SOX6: variants seen among roughly 807,000 people sequenced by gnomAD.
SOX6 encodes the protein transcription factor SOX-6.
A neutral mutation model predicts 97.8 loss-of-function variants in SOX6; 11 were observed. The ratio of observed to expected loss-of-function variants is 0.11; its 90% CI spans 0.07 to 0.19. The LOEUF is 0.19. SOX6 is among the 10% of genes least tolerant of loss of function. The probability of loss-of-function intolerance (pLI) is 1.00; values close to 1 mark genes in which losing one functional copy is unlikely to be tolerated. For synonymous variants in SOX6, 360 were observed against 371.4 expected (o/e 0.97, Z 0.35); for missense variants, 810 against 1,039.5 (o/e 0.78, Z 3.04).
At chr11:16,654,110 G>A (rs1275014895) in intron 3 of SOX6, among the ~76,000 whole-genome samples, 3 of 152,020 alleles carry the variant, frequency 2.0e-5, no homozygotes, top group Non-Finnish European at 4.4e-5. Context: ...AGAGTCTATA[G>A]ATAATAAGTG....
chr11:16,355,210 G>T (rs536963463), intron 1 of SOX6, among the ~76,000 whole-genome samples: 1 of 151,952 alleles, frequency 6.6e-6, no homozygotes, highest in Non-Finnish European at 1.5e-5. Flanking sequence ...AGATAAACTT[G>T]CCTAAAGACC....
chr11:16,736,051 C>A (rs1848388587), intron 2 of SOX6, among the ~76,000 whole-genome samples: 1 of 152,040 alleles, frequency 6.6e-6, no homozygotes, highest in African/African-American at 2.4e-5. Context: ...TCTTTACTAC[C>A]CAAGAAAGAA....
chr11:16,335,947 T>C (rs1376417526), intron 2 of SOX6, among the ~76,000 whole-genome samples: 1 of 152,200 alleles, frequency 6.6e-6, no homozygotes, highest in Non-Finnish European at 1.5e-5. Flanking sequence ...ATTATTGACA[T>C]CTTTTATTTA....
chr11:16,044,102 T>C (rs1383982835), intron 12 of SOX6, among the ~76,000 whole-genome samples: 6 of 152,138 alleles, frequency 3.9e-5, no homozygotes, highest in Non-Finnish European at 8.8e-5. Context: ...CACTATGCTG[T>C]ACAGGCTTTT....
chr11:16,056,381 C>T (rs1317025373), intron 9 of SOX6, among the ~76,000 whole-genome samples: 1 of 152,134 alleles, frequency 6.6e-6, no homozygotes, highest in Non-Finnish European at 1.5e-5. Flanking sequence ...TCTGGGTATT[C>T]TGATCCTTCT....
At chr11:16,654,797 C>T (rs1483007594) in intron 3 of SOX6, among the ~76,000 whole-genome samples, 1 of 152,112 alleles carries the variant, frequency 6.6e-6, no homozygotes, top group Non-Finnish European at 1.5e-5. Context: ...ATTATGTTCA[C>T]CTCATTACTT....
chr11:16,677,897 G>T (rs1164324711), intron 3 of SOX6, among the ~76,000 whole-genome samples: 1 of 152,088 alleles, frequency 6.6e-6, no homozygotes, highest in Non-Finnish European at 1.5e-5. Context: ...AGATACTAAG[G>T]TTATTCATTT....
chr11:16,157,522 A>C (rs540193452), intron 6 of SOX6, among the ~76,000 whole-genome samples: 14 of 152,002 alleles, frequency 9.2e-5, no homozygotes, highest in Non-Finnish European at 1.9e-4. Flanking sequence ...AGATTTGGTT[A>C]ATCATTTGGT....
At chr11:15,998,086 AT>A (rs1854285094) in intron 13 of SOX6, among the ~76,000 whole-genome samples, 1 of 151,680 alleles carries the variant, frequency 6.6e-6, no homozygotes, top group African/African-American at 2.4e-5. Context: ...TCTCAAAAAA[AT>A]AAAATAAAAT....
chr11:16,413,559 C>T (rs1858866376), intron 1 of SOX6, among the ~76,000 whole-genome samples: 1 of 122,642 alleles, frequency 8.2e-6, no homozygotes, highest in Admixed American at 1.0e-4. Flanking sequence ...TCACTCTTGT[C>T]GCCCAGGCTG....
intron 9 of SOX6, among the ~76,000 whole-genome samples, chr11:16,076,706 G>A (rs895028228): frequency 1.3e-5 from 2 of 150,102 alleles, no homozygotes; most frequent in Non-Finnish European, 2.9e-5. Flanking sequence ...TGGAACAAGA[G>A]GAAGAGAGAG....
In SOX6 at chr11:16,056,811, A is replaced by C. The variant is rs575653604; in HGVS notation, c.1102-910T>G. 3.3e-5 allele frequency among the ~76,000 whole-genome samples: 5 copies of C among 152,306 alleles called. No homozygotes were observed. The East Asian group carries it at 9.6e-4, about 29-fold the overall frequency. On this transcript the variant is annotated intron_variant, in intron 9 of 15. Transcript: ENST00000683767. ...TGACATTACAAATCTTTAAATTATC[A>C]ACCTCAAAATATGTTGATTTCACTA...
At position 16,046,569 on chromosome 11, in the gene SOX6, T is replaced by A; in HGVS notation, c.1568A>T (p.Asp523Val). 1.2e-6 allele frequency: 2 copies of A among 1,613,788 alleles called. No homozygotes were observed. Among genetic ancestry groups the A allele is most frequent in the South Asian group, 1.1e-5 (1 of 91,086 alleles). ...ATTATTTATGGAGGACAGTTTCCCG[T>A]CAACACCATGTGGCTGTTGCTGCTG... The part of the protein sequence containing the change: ...EQQQQQPHGV[D>V]GKLSSINNMG... The change falls in exon 12 of 16, where the codon GAC becomes GTC. Residue 523 changes from aspartate (D) to valine (V), a missense_variant. Around this residue, in one of 9 missense-constraint regions of SOX6, gnomAD observed 120 missense variants for 127.0 expected, o/e 0.94. Transcript: ENST00000683767.
intron 3 of SOX6, among the ~76,000 whole-genome samples, chr11:16,236,223 A>G (rs756779342): frequency 5.3e-5 from 8 of 152,030 alleles, no homozygotes; most frequent in Non-Finnish European, 1.2e-4. Flanking sequence ...CTACATGCAG[A>G]TGCATATGTT....
chr11:16,514,119 G>A (rs1380766368), intron 4 of SOX6, among the ~76,000 whole-genome samples: 2 of 151,494 alleles, frequency 1.3e-5, no homozygotes, highest in Admixed American at 6.6e-5. Flanking sequence ...AGGAGGCTGA[G>A]GTGAGAGAAT....
At chr11:16,278,208 G>A (rs1055213951) in intron 3 of SOX6, among the ~76,000 whole-genome samples, 4 of 151,846 alleles carry the variant, frequency 2.6e-5, no homozygotes, top group East Asian at 1.9e-4. Context: ...GCCAAATAAC[G>A]TTTTTTTAAT....
At chr11:16,111,754 A>G (rs1271260354) in intron 7 of SOX6, 49 bp downstream of exon 7, 1 of 1,609,452 alleles carries the variant, frequency 6.2e-7, no homozygotes, top group Non-Finnish European at 8.5e-7. Context: ...AAGCATAAAC[A>G]TGCAGATCTG....
chr11:16,728,796 G>A (rs1260248145), intron 2 of SOX6, among the ~76,000 whole-genome samples: 1 of 152,146 alleles, frequency 6.6e-6, no homozygotes, highest in African/African-American at 2.4e-5. Context: ...AGCTAAAGGA[G>A]GATGTTCTAA....
chr11:16,217,983 G>C (rs866874792), intron 4 of SOX6, among the ~76,000 whole-genome samples: 2 of 151,948 alleles, frequency 1.3e-5, no homozygotes, highest in South Asian at 2.1e-4. Context: ...ACTTCAGTAG[G>C]GGGTTAGCGG....
Sources: gnomAD v4.1 joint callset for allele counts (sites outside exome capture counted in the v4.1 genomes callset) on GRCh38, gnomAD v4.1.1 for gene constraint, gnomAD v4.1.1 regional missense constraint, MANE v1.5 for transcripts, NCBI Gene and HGNC (gene_info 2026-07-23, HGNC 2026-07-21) for gene names.